Variants in MKLN1 observed in about 807,000 individuals in gnomAD.
MKLN1 encodes the protein muskelin 1.
A neutral mutation model predicts 99.0 loss-of-function variants in MKLN1; 18 were observed. That is an observed-to-expected ratio of 0.18 (90% CI 0.13 to 0.27). The LOEUF (loss-of-function observed/expected upper bound fraction) is 0.27. Ranked by LOEUF, MKLN1 falls within the 10% of genes least tolerant of loss-of-function variation. MKLN1 has a pLI of 1.00. For synonymous variants in MKLN1, 288 were observed against 293.2 expected (o/e 0.98, Z 0.18); for missense variants, 621 against 875.9 (o/e 0.71, Z 3.67).
chr7:131,246,414 C>G (rs562350404), intron 3 of MKLN1, among the ~76,000 whole-genome samples: 28 of 152,296 alleles, frequency 1.8e-4, no homozygotes, highest in African/African-American at 6.7e-4. Context: ...ACTATGAAGT[C>G]TAGTCTGGGT....
chr7:131,451,316 C>T lies in MKLN1; in HGVS notation c.1525+5413C>T, dbSNP rs530680520. ...TTGAGATGGACTTAACATATAATTA[C>T]TGTGTTTATCTGTGATTCAGTAATG... On this transcript the variant is annotated intron_variant, in intron 12 of 17. Coordinates refer to ENST00000352689, the MANE Select transcript of MKLN1 (RefSeq NM_013255.5). Among the ~76,000 whole-genome samples, 12 of 151,714 alleles carry T rather than the reference C, an allele frequency of 7.9e-5. No homozygotes were observed. The South Asian group carries it at 2.3e-3, about 29-fold the overall frequency.
At chr7:131,362,980 T>C (rs2116807906) in intron 1 of MKLN1, among the ~76,000 whole-genome samples, 1 of 152,208 alleles carries the variant, frequency 6.6e-6, no homozygotes, top group South Asian at 2.1e-4. Flanking sequence ...AACTATTTTC[T>C]TAATTTCATT....
At chr7:131,272,165 C>T (rs1426766595) in intron 3 of MKLN1, among the ~76,000 whole-genome samples, 1 of 152,130 alleles carries the variant, frequency 6.6e-6, no homozygotes. Context: ...GGCAGAGCTT[C>T]AAAATAGAAG....
At chr7:131,369,218 C>T (rs933626485) in intron 1 of MKLN1, among the ~76,000 whole-genome samples, 10 of 152,050 alleles carry the variant, frequency 6.6e-5, no homozygotes, top group Non-Finnish European at 1.2e-4. Context: ...TATGTCCTTA[C>T]GTACTGGAGA....
At chr7:131,384,385 CACAGAT>C (rs1793945502) in intron 2 of MKLN1, among the ~76,000 whole-genome samples, 1 of 151,954 alleles carries the variant, frequency 6.6e-6, no homozygotes, top group African/African-American at 2.4e-5. Context: ...ACAGAAAAGA[CACAGAT>C]ACAGGGAAGA....
Position 131,328,469 on chromosome 7 carries a change from T to C in MKLN1, c.98+472T>C, listed in dbSNP as rs112785985. Among the ~76,000 whole-genome samples, 833 of 151,686 alleles carry C rather than the reference T, an allele frequency of 5.5e-3. 7 individuals are homozygous for C. The highest frequency in any genetic ancestry group is 0.019 in the African/African-American group (797 of 41,332). ...AAGCCGAGGAGTGTCTATTCCAGAG[T>C]GGGGTCATTAAAAGTGATTAGCTCT... On this transcript the variant is annotated intron_variant, in intron 1 of 17. Coordinates refer to ENST00000352689, the MANE Select transcript of MKLN1 (RefSeq NM_013255.5).
At chr7:131,345,095 C>A (rs573135642) in intron 1 of MKLN1, among the ~76,000 whole-genome samples, 4 of 152,284 alleles carry the variant, frequency 2.6e-5, no homozygotes, top group South Asian at 4.1e-4. Flanking sequence ...CATGAGCCAC[C>A]GCACCTGGAC....
intron 1 of MKLN1, among the ~76,000 whole-genome samples, chr7:131,350,916 A>G (rs925357253): frequency 1.3e-5 from 2 of 152,214 alleles, no homozygotes; most frequent in African/African-American, 4.8e-5. Flanking sequence ...TATGGCCACA[A>G]TGTCATTATT....
chr7:131,197,036 C>T (rs1247411210), intron 2 of MKLN1, among the ~76,000 whole-genome samples: 1 of 152,172 alleles, frequency 6.6e-6, no homozygotes, highest in Non-Finnish European at 1.5e-5. Flanking sequence ...TACTTTTCCA[C>T]ACGCCCCATC....
intron 2 of MKLN1, among the ~76,000 whole-genome samples, chr7:131,171,267 A>C (rs1796211201): frequency 6.6e-6 from 1 of 152,140 alleles, no homozygotes; most frequent in South Asian, 2.1e-4. Flanking sequence ...CTGTAACCCC[A>C]CTTACCTAAA....
At chr7:131,234,890 G>A in intron 3 of MKLN1, among the ~76,000 whole-genome samples, 1 of 152,070 alleles carries the variant, frequency 6.6e-6, no homozygotes, top group Non-Finnish European at 1.5e-5. Context: ...ACCTACATTT[G>A]CTGTCTAATT....
At chr7:131,337,276 T>C (rs141008124) in intron 1 of MKLN1, among the ~76,000 whole-genome samples, 1 of 152,166 alleles carries the variant, frequency 6.6e-6, no homozygotes, top group Non-Finnish European at 1.5e-5. Flanking sequence ...GAAAAAATTT[T>C]GACTTTTTAA....
intron 2 of MKLN1, among the ~76,000 whole-genome samples, chr7:131,162,107 C>T (rs1796063838): frequency 6.6e-6 from 1 of 151,464 alleles, no homozygotes; most frequent in Admixed American, 6.6e-5. Flanking sequence ...GATCTAGGCT[C>T]ACTGCAACCT....
At chr7:131,439,564 A>C (rs1251251280) in intron 10 of MKLN1, among the ~76,000 whole-genome samples, 3 of 152,178 alleles carry the variant, frequency 2.0e-5, no homozygotes, top group Non-Finnish European at 2.9e-5. Context: ...ATTTCATACA[A>C]ATAAAGCTAT....
Position 131,411,389 on chromosome 7 carries a change from C to G in MKLN1, c.781+6C>G. ...CATTCCCAAAAGTACCAAAGGTAAGCCATACCTTCTAGATTGTAGTTCTTT... is the reference window on the plus strand; with the variant it reads ...CATTCCCAAAAGTACCAAAGGTAAGGCATACCTTCTAGATTGTAGTTCTTT... On this transcript the variant is annotated splice_donor_region_variant and intron_variant, in intron 7 of 17. Coordinates refer to ENST00000352689, the MANE Select transcript of MKLN1 (RefSeq NM_013255.5). 1.3e-6 allele frequency: 2 copies of G among 1,574,116 alleles called. No individual in the cohort carries two copies. Among genetic ancestry groups the G allele is most frequent in the Non-Finnish European group, 1.7e-6 (2 of 1,143,702 alleles).
chr7:131,290,592 G>C (rs920618607), intron 3 of MKLN1, among the ~76,000 whole-genome samples: 2 of 152,226 alleles, frequency 1.3e-5, no homozygotes, highest in African/African-American at 4.8e-5. Flanking sequence ...TTTGAAGATT[G>C]ATTTCTAAAT....
At chr7:131,215,895 G>A (rs367797609) in intron 3 of MKLN1, among the ~76,000 whole-genome samples, 16 of 151,970 alleles carry the variant, frequency 1.1e-4, no homozygotes, top group Non-Finnish European at 1.9e-4. Flanking sequence ...AGTTTGTTTG[G>A]GGGGGATAGG....
intron 1 of MKLN1, among the ~76,000 whole-genome samples, chr7:131,351,787 A>C (rs928894139): frequency 2.6e-5 from 4 of 152,202 alleles, no homozygotes; most frequent in Non-Finnish European, 5.9e-5. Flanking sequence ...TCACTTCAGG[A>C]GGCACAAAAT....
chr7:131,138,352 C>T (rs1051526700), intron 1 of MKLN1, among the ~76,000 whole-genome samples: 8 of 152,284 alleles, frequency 5.3e-5, no homozygotes, highest in East Asian at 3.9e-4. Flanking sequence ...TCATTATTCA[C>T]GGTTTTTAAA....
Sources: gnomAD v4.1 joint callset for allele counts (sites outside exome capture counted in the v4.1 genomes callset) on GRCh38, gnomAD v4.1.1 for gene constraint, MANE v1.5 for transcripts, NCBI Gene and HGNC (gene_info 2026-07-23, HGNC 2026-07-21) for gene names.